NMU: variants seen among roughly 807,000 people sequenced by gnomAD.
NMU encodes neuromedin U, also known as neuromedin-U.
Under a neutral mutation model 35.4 loss-of-function variants are expected in NMU, and 29 were observed. The observed-to-expected ratio is 0.82, with a 90% CI of 0.61 to 1.12. NMU has a LOEUF of 1.12. Among genes scored for constraint, NMU ranks in the 50% most tolerant of loss-of-function variants. NMU has a pLI of 0.00. For synonymous variants in NMU, 78 were observed against 81.3 expected, an observed-to-expected ratio of 0.96 and a Z score of 0.22; for missense variants, 199 against 206.2, an observed-to-expected ratio of 0.97 and a Z score of 0.21.
At chr4:55,598,597 A>AAATTCT in intron 9 of NMU, among the ~76,000 whole-genome samples, 2 of 152,324 alleles carry the variant, frequency 1.3e-5, no homozygotes, top group South Asian at 4.1e-4. Flanking sequence ...TCCAGCACTG[A>AAATTCT]GGTAGAAATT....
At chr4:55,602,288 T>C (rs1733459625) in intron 7 of NMU, among the ~76,000 whole-genome samples, 1 of 152,208 alleles carries the variant, frequency 6.6e-6, no homozygotes, top group South Asian at 2.1e-4. Context: ...GAATTCAAAA[T>C]ATTTCACTAT....
intron 1 of NMU, among the ~76,000 whole-genome samples, chr4:55,634,211 A>T (rs10000850): frequency 0.41 from 62,111 of 151,872 alleles, 13,197 homozygotes; most frequent in African/African-American, 0.53. Context: ...CCTCGGTGCC[A>T]TCTTTAGGGA....
intron 2 of NMU, among the ~76,000 whole-genome samples, chr4:55,625,991 T>A (rs1164176887): frequency 6.6e-6 from 1 of 152,138 alleles, no homozygotes; most frequent in Non-Finnish European, 1.5e-5. Context: ...CCTCCACTTA[T>A]GGATCTGTGG....
chr4:55,601,160 C>T (rs566800652), intron 7 of NMU, among the ~76,000 whole-genome samples: 1 of 152,010 alleles, frequency 6.6e-6, no homozygotes, highest in Admixed American at 6.6e-5. Flanking sequence ...ACAGGAATGA[C>T]CCAATTATTC....
upstream of NMU, chr4:55,636,416 C>G (rs1174271271): frequency 1.2e-5 from 7 of 587,008 alleles, no homozygotes; most frequent in Non-Finnish European, 7.9e-6. This position sits in a 1 kb window ranked among gnomAD's most constrained non-coding sequence, Gnocchi z 4.0. Flanking sequence ...CTCACCCCGC[C>G]CCGCTGCCTG....
rs1034282900 is a variant in NMU at position 55,613,304 on chromosome 4, T to TA, written c.219+3033dup. ...GCACATTTACCCCTGAACCTAAAAT[T>TA]AAAAAAAAAATTATTTAGGTTCTGT... On this transcript the variant is annotated intron_variant, in intron 3 of 9. Transcript: ENST00000264218. 1.3e-3 allele frequency among the ~76,000 whole-genome samples: 203 copies of TA among 150,552 alleles called. 1 individual carries two copies. Among genetic ancestry groups the TA allele is most frequent in the African/African-American group, 4.1e-3 (170 of 41,102 alleles).
At chr4:55,606,897 C>G (rs918921716) in intron 6 of NMU, among the ~76,000 whole-genome samples, 11 of 152,146 alleles carry the variant, frequency 7.2e-5, no homozygotes, top group Non-Finnish European at 1.5e-4. Flanking sequence ...AGGCTGGTCT[C>G]GAACTCTGGA....
In NMU at chr4:55,605,309, A is replaced by G. The variant is rs1733634220; in HGVS notation, c.401T>C (p.Leu134Pro). The change falls in exon 7 of 10, where the codon CTG (leucine) becomes CCG (proline). Residue 134 changes from leucine (L) to proline (P), a missense_variant. Coordinates refer to ENST00000264218, the MANE Select transcript of NMU (RefSeq NM_006681.4). ...GAATCTCTTCATTCTTCTCTCATGCAGGTGAGGAACGAGCTGCAGCAACGG... is the reference window on the plus strand; with the variant it reads ...GAATCTCTTCATTCTTCTCTCATGCGGGTGAGGAACGAGCTGCAGCAACGG... ...VHPLLQLVPH[L>P]HERRMKRFRV... The G allele has an allele frequency of 6.2e-7, 1 of 1,613,764 alleles. No homozygotes were observed. The highest frequency in any genetic ancestry group is 8.5e-7 in the Non-Finnish European group (1 of 1,179,624).
chr4:55,602,670 A>G (rs1309062617), intron 7 of NMU, among the ~76,000 whole-genome samples: 1 of 152,254 alleles, frequency 6.6e-6, no homozygotes, highest in Non-Finnish European at 1.5e-5. Context: ...AGTTAAATCA[A>G]AAAAGCATGT....
At chr4:55,629,450 C>A (rs916634109) in intron 2 of NMU, among the ~76,000 whole-genome samples, 4 of 151,644 alleles carry the variant, frequency 2.6e-5, no homozygotes, top group Non-Finnish European at 5.9e-5. Flanking sequence ...GAAACCCCGT[C>A]TCTACTAAAA....
intron 3 of NMU, among the ~76,000 whole-genome samples, chr4:55,614,084 T>A (rs1243762845): frequency 6.6e-6 from 1 of 152,226 alleles, no homozygotes; most frequent in Non-Finnish European, 1.5e-5. Flanking sequence ...GGGAAGGGAC[T>A]TGTGAATCTA....
chr4:55,615,078 T>C (rs925515879), intron 3 of NMU, among the ~76,000 whole-genome samples: 4 of 152,256 alleles, frequency 2.6e-5, no homozygotes, highest in Non-Finnish European at 5.9e-5. Flanking sequence ...GGCCAAACTA[T>C]GTAGGGAGTA....
chr4:55,609,930 T>C (rs954592616), intron 3 of NMU, among the ~76,000 whole-genome samples: 2 of 152,122 alleles, frequency 1.3e-5, no homozygotes, highest in Non-Finnish European at 2.9e-5. Context: ...GGCAATGTAA[T>C]TAGTGGTTAA....
chr4:55,597,582 G>T (rs1431441941), intron 9 of NMU, among the ~76,000 whole-genome samples: 2 of 152,080 alleles, frequency 1.3e-5, no homozygotes, highest in African/African-American at 4.8e-5. Flanking sequence ...TGGTCAGGCT[G>T]GTCAGGCTCC....
In NMU at chr4:55,605,341, A is replaced by G; in HGVS notation, c.369T>C (p.Val123=). ...GAACGAGCTGCAGCAACGGATGCACAACTGACGACTGAGAGGACATGAACA... is the reference window on the plus strand; with the variant it reads ...GAACGAGCTGCAGCAACGGATGCACGACTGACGACTGAGAGGACATGAACA... ...KLGKSNVVSS[V]VHPLLQLVPH... Residue 123 remains valine (V), a synonymous_variant, in exon 7 of 10, where the codon GTT becomes GTC. Transcript: ENST00000264218. 6.2e-7 allele frequency: 1 copy of G among 1,612,946 alleles called. No individual in the cohort carries two copies. The highest frequency in any genetic ancestry group is 1.1e-5 in the South Asian group (1 of 91,058).
chr4:55,636,241 G>A lies in NMU; in HGVS notation c.-49C>T. The stretch of plus-strand genomic sequence containing the variant: ...TGCTAGGGACGCTGCGCTGCGCCAC[G>A]CGTAGCTGGTGCTCCACCTGGTGCC... On this transcript the variant is annotated 5_prime_UTR_variant, in exon 1 of 10. Coordinates refer to ENST00000264218, the MANE Select transcript of NMU (RefSeq NM_006681.4). This position sits in a 1 kb window ranked among gnomAD's most constrained non-coding sequence, Gnocchi z 4.0. The A allele has an allele frequency of 7.0e-7, 1 of 1,421,690 alleles. No homozygotes were observed. The highest frequency in any genetic ancestry group is 9.1e-7 in the Non-Finnish European group (1 of 1,097,748). 88.1% of individuals were successfully genotyped at this position (1,421,690 alleles called of 1,614,324 possible).
At chr4:55,632,806 C>T (rs11933778) in intron 1 of NMU, among the ~76,000 whole-genome samples, 21,083 of 151,898 alleles carry the variant, frequency 0.14, 1,613 homozygotes, top group South Asian at 0.19. Flanking sequence ...TCAGACACAC[C>T]GCCTCATCAG....
intron 9 of NMU, among the ~76,000 whole-genome samples, chr4:55,598,089 G>GTTTTTTTTTTTTTTTTTTTTTTTTTTTTT (rs10588154): frequency 1.2e-5 from 1 of 85,394 alleles, no homozygotes; most frequent in Non-Finnish European, 2.2e-5. Flanking sequence ...TTTGGTTGTG[G>GTTTTTTTTTTTTTTTTTTTTTTTTTTTTT]TTTTTTTTTT....
chr4:55,600,305 A>C (rs1246453583), intron 8 of NMU, among the ~76,000 whole-genome samples: 2 of 152,166 alleles, frequency 1.3e-5, no homozygotes, highest in Non-Finnish European at 2.9e-5. Flanking sequence ...TGAGGTGTTT[A>C]AACATGAGCA....
Sources: gnomAD v4.1 joint callset for allele counts (sites outside exome capture counted in the v4.1 genomes callset) on GRCh38, gnomAD v4.1.1 for gene constraint, Gnocchi (gnomAD v3.1) non-coding constraint, MANE v1.5 for transcripts, NCBI Gene and HGNC (gene_info 2026-07-23, HGNC 2026-07-21) for gene names.